Variants in NUBPL observed in about 807,000 individuals in gnomAD.
The protein encoded by NUBPL is iron-sulfur cluster transfer protein NUBPL.
Under a neutral mutation model 45.7 loss-of-function variants are expected in NUBPL, and 31 were observed. The observed-to-expected ratio is 0.68, with a 90% confidence interval of 0.51 to 0.92. The LOEUF (loss-of-function observed/expected upper bound fraction) is 0.92. Ranked by LOEUF, NUBPL falls within the 40% of genes least tolerant of loss-of-function variation. The pLI, the probability that NUBPL is intolerant of heterozygous loss-of-function variation, is 0.00. For synonymous variants in NUBPL, 144 were observed against 140.9 expected (o/e 1.02, Z -0.15); for missense variants, 401 against 398.7 (o/e 1.01, Z -0.05).
At chr14:31,785,829 G>T (rs1253575416) in intron 6 of NUBPL, among the ~76,000 whole-genome samples, 1 of 152,018 alleles carries the variant, frequency 6.6e-6, no homozygotes, top group Non-Finnish European at 1.5e-5. Context: ...GAATGAATCT[G>T]TTTGACCCAA....
chr14:31,800,404 A>G (rs1374015301), intron 7 of NUBPL, among the ~76,000 whole-genome samples: 2 of 152,220 alleles, frequency 1.3e-5, no homozygotes, highest in Non-Finnish European at 2.9e-5. Context: ...CACAACAATT[A>G]TAATAGTAAC....
intron 4 of NUBPL, among the ~76,000 whole-genome samples, chr14:31,658,180 G>A (rs1235688934): frequency 6.6e-6 from 1 of 152,136 alleles, no homozygotes; most frequent in Non-Finnish European, 1.5e-5. Context: ...CCTTTCAACT[G>A]TGTGTTATCT....
intron 6 of NUBPL, among the ~76,000 whole-genome samples, chr14:31,740,301 C>G (rs537136101): frequency 6.6e-6 from 1 of 152,194 alleles, no homozygotes; most frequent in African/African-American, 2.4e-5. Context: ...GCTCCACATC[C>G]TCACCATCAT....
chr14:31,851,027 G>A (rs1460404033), intron 10 of NUBPL, among the ~76,000 whole-genome samples: 1 of 152,028 alleles, frequency 6.6e-6, no homozygotes, highest in Non-Finnish European at 1.5e-5. Context: ...AGATATAGTT[G>A]ATAGATTTTC....
chr14:31,799,056 C>G (rs552734013), intron 7 of NUBPL, among the ~76,000 whole-genome samples: 1 of 151,886 alleles, frequency 6.6e-6, no homozygotes, highest in Non-Finnish European at 1.5e-5. Context: ...TTAGAAAGAG[C>G]CTTTCTATCA....
intron 4 of NUBPL, among the ~76,000 whole-genome samples, chr14:31,651,551 G>A (rs1298713921): frequency 6.6e-6 from 1 of 152,068 alleles, no homozygotes; most frequent in African/African-American, 2.4e-5. Context: ...CTGATAAAGG[G>A]TTAATATCCA....
intron 7 of NUBPL, among the ~76,000 whole-genome samples, chr14:31,804,868 G>A (rs2039654961): frequency 6.6e-6 from 1 of 152,056 alleles, no homozygotes; most frequent in African/African-American, 2.4e-5. Context: ...CCTGGACATA[G>A]GAATGGCAAA....
intron 6 of NUBPL, among the ~76,000 whole-genome samples, chr14:31,688,435 G>T (rs1360152775): frequency 2.0e-5 from 3 of 151,930 alleles, no homozygotes; most frequent in African/African-American, 7.3e-5. Context: ...AAGTTAGCCA[G>T]GCGTGGTGGT....
chr14:31,742,217 A>G (rs1478487155), intron 6 of NUBPL, among the ~76,000 whole-genome samples: 1 of 148,972 alleles, frequency 6.7e-6, no homozygotes, highest in Non-Finnish European at 1.5e-5. Flanking sequence ...GGCACTATGA[A>G]ACCAATTTTA....
chr14:31,826,077 G>T (rs2040098417), intron 7 of NUBPL, among the ~76,000 whole-genome samples: 1 of 152,038 alleles, frequency 6.6e-6, no homozygotes, highest in Non-Finnish European at 1.5e-5. Flanking sequence ...CACTGATAGA[G>T]TTATGATCCT....
intron 8 of NUBPL, among the ~76,000 whole-genome samples, chr14:31,831,153 C>T (rs1175124337): frequency 2.0e-5 from 3 of 151,912 alleles, no homozygotes; most frequent in African/African-American, 7.3e-5. Context: ...AAGCAATTCT[C>T]CTGCCTCAGC....
At chr14:31,758,312 A>T (rs1410376529) in intron 6 of NUBPL, among the ~76,000 whole-genome samples, 1 of 152,212 alleles carries the variant, frequency 6.6e-6, no homozygotes, top group African/African-American at 2.4e-5. Flanking sequence ...ATCTTTTAAT[A>T]TATAACATCA....
chr14:31,712,144 C>T (rs1403025041), intron 6 of NUBPL, among the ~76,000 whole-genome samples: 5 of 152,206 alleles, frequency 3.3e-5, no homozygotes, highest in Non-Finnish European at 7.3e-5. Context: ...CACCCACATC[C>T]TACTGATTGG....
intron 6 of NUBPL, among the ~76,000 whole-genome samples, chr14:31,754,883 G>C (rs1484080629): frequency 2.5e-5 from 3 of 118,208 alleles, no homozygotes; most frequent in African/African-American, 1.0e-4. Context: ...ACAGTGTGAT[G>C]TTCCCCTTCC....
intron 8 of NUBPL, among the ~76,000 whole-genome samples, chr14:31,842,811 A>C (rs544890357): frequency 6.6e-6 from 1 of 152,240 alleles, no homozygotes; most frequent in South Asian, 2.1e-4. Flanking sequence ...TATGTATGAA[A>C]TATATTTATT....
At chr14:31,773,679 G>A (rs1434347227) in intron 6 of NUBPL, among the ~76,000 whole-genome samples, 1 of 152,178 alleles carries the variant, frequency 6.6e-6, no homozygotes, top group Non-Finnish European at 1.5e-5. Context: ...TTAAGCATGA[G>A]TAATGTTCTG....
chr14:31,760,126 A>AGTGTGTGT (rs147699444), intron 6 of NUBPL, among the ~76,000 whole-genome samples: 2,047 of 29,760 alleles, frequency 0.069, 181 homozygotes, highest in African/African-American at 0.12. Context: ...TTCTGACTTT[A>AGTGTGTGT]GTGTGTGTGT....
chr14:31,576,304 C>T (rs916014375), intron 3 of NUBPL, among the ~76,000 whole-genome samples: 1 of 152,132 alleles, frequency 6.6e-6, no homozygotes, highest in Admixed American at 6.6e-5. Context: ...CTCTGTTGGC[C>T]AGGCTGGAGT....
chr14:31,654,617 G>A (rs939026685), intron 4 of NUBPL, among the ~76,000 whole-genome samples: 4 of 151,984 alleles, frequency 2.6e-5, no homozygotes, highest in African/African-American at 9.7e-5. Context: ...CACAGTGTTA[G>A]CCAGGATGGT....
Sources: allele counts gnomAD v4.1 joint callset (sites outside exome capture counted in the v4.1 genomes callset), GRCh38; gene constraint gnomAD v4.1.1; transcripts MANE v1.5; gene names NCBI Gene and HGNC (gene_info 2026-07-23, HGNC 2026-07-21).